The following AKR1C1 variants were observed in gnomAD, a reference collection of about 807,000 sequenced individuals.
The protein encoded by AKR1C1 is 20 alpha-hydroxysteroid dehydrogenase.
A neutral mutation model predicts 40.6 loss-of-function variants in AKR1C1; 32 were observed. That is an observed-to-expected ratio of 0.79 (90% CI 0.60 to 1.06). AKR1C1 has a LOEUF of 1.06. AKR1C1 is among the 50% of genes least tolerant of loss of function. The pLI, the probability that AKR1C1 is intolerant of heterozygous loss-of-function variation, is 0.00. For missense variants in AKR1C1, 320 were observed against 363.5 expected (o/e 0.88, Z 0.97); for synonymous variants, 105 against 134.2 (o/e 0.78, Z 1.50).
chr10:4,970,435 A>G (rs537399568), intron 5 of AKR1C1, among the ~76,000 whole-genome samples: 215 of 152,274 alleles, frequency 1.4e-3, no homozygotes, highest in African/African-American at 4.9e-3. Flanking sequence ...GTTTTATTAC[A>G]TTGACTTAAA....
chr10:4,967,260 C>A, intron 3 of AKR1C1: 1 of 1,023,628 alleles, frequency 9.8e-7, no homozygotes, highest in Non-Finnish European at 1.3e-6. Flanking sequence ...GCAGAACTCT[C>A]AAAGCCTCTG....
chr10:4,963,496 G>A lies in AKR1C1; in HGVS notation c.52G>A (p.Val18Ile), dbSNP rs763317381. 179 of 1,613,680 alleles carry A rather than the reference G, an allele frequency of 1.1e-4. No homozygotes were observed. The Admixed American group carries it at 2.9e-3, about 26-fold the overall frequency. Residue 18 changes from valine (V) to isoleucine (I), a missense_variant, in exon 1 of 9, where the codon GTC (valine) becomes ATC (isoleucine). By Grantham distance (29) the Val-to-Ile change is conservative. Around this residue, in one of 3 missense-constraint regions of AKR1C1, gnomAD observed 214 missense variants for 214.8 expected, o/e 1.00. Coordinates refer to ENST00000380872, the MANE Select transcript of AKR1C1 (RefSeq NM_001353.6). Reference protein sequence around the residue: ...VKLNDGHFMPVLGFGTYAPAE... With the variant: ...VKLNDGHFMPILGFGTYAPAE... ...GCTGAATGATGGTCACTTCATGCCT[G>A]TCCTGGGATTTGGCACCTATGCGCC...
Position 4,979,184 on chromosome 10 carries a change from T to G in AKR1C1, c.*1442T>G, listed in dbSNP as rs1407889849. 20 of 152,186 alleles carry G rather than the reference T, an allele frequency of 1.3e-4. No homozygotes were observed. Among genetic ancestry groups the G allele is most frequent in the African/African-American group, 3.4e-4 (14 of 41,454 alleles). The allele number at this position is 152,186 out of a possible 1,614,324, so 9.4% of individuals were successfully genotyped here. A position where few individuals can be genotyped will look rare whatever the true frequency, so the allele number is the denominator to read the frequency against. On this transcript the variant is annotated 3_prime_UTR_variant, in exon 9 of 9. Coordinates refer to ENST00000380872, the MANE Select transcript of AKR1C1 (RefSeq NM_001353.6). ...AATTACTTATTCTATAAAATTGGAG[T>G]AGGCCATAAACTTTGGAGGGCCCTA...
chr10:4,981,170 A>G lies in AKR1C1; in HGVS notation c.*3428A>G, dbSNP rs1442420051. On this transcript the variant is annotated 3_prime_UTR_variant, in exon 9 of 9. Coordinates refer to ENST00000380872, the MANE Select transcript of AKR1C1 (RefSeq NM_001353.6). ...GTGGGCTTAAAATATTCAGTAAACC[A>G]TTATTTAAGGAGATGTGGCTTAAAT... 6.6e-6 allele frequency: 1 copy of G among 152,224 alleles called. No homozygotes were observed. The highest frequency in any genetic ancestry group is 2.4e-5 in the African/African-American group (1 of 41,466). The allele number at this position is 152,224 out of a possible 1,614,324, so 9.4% of individuals were successfully genotyped here.
At position 4,965,905 on chromosome 10, in the gene AKR1C1, C is replaced by T. The variant is rs760453509; in HGVS notation, c.85-9C>T. 1.2e-6 allele frequency: 2 copies of T among 1,611,656 alleles called. No homozygotes were observed. Among genetic ancestry groups the T allele is most frequent in the East Asian group, 4.5e-5 (2 of 44,876 alleles). ...AGTCAGAAAATACTACCTATGGTTA[C>T]TCCCCCAGGTTCCTAAAAGTAAAGC... On this transcript the variant is annotated splice_polypyrimidine_tract_variant and intron_variant, in intron 1 of 8. Transcript: ENST00000380872.
chr10:4,967,118 T>A, intron 3 of AKR1C1, 75 bp downstream of exon 3: 1 of 1,453,520 alleles, frequency 6.9e-7, no homozygotes, highest in Non-Finnish European at 9.6e-7. Flanking sequence ...ATATTTGAAC[T>A]AAGCATTTTC....
In AKR1C1 at chr10:4,967,235, A is replaced by T. The variant is rs187470790; in HGVS notation, c.369+192A>T. Reference sequence around the variant, plus strand: ...TCCATACTTCCGTGATTGCATGTCTATAAGAAAAGAAAGTGCAGAACTCTC... The same window carrying T: ...TCCATACTTCCGTGATTGCATGTCTTTAAGAAAAGAAAGTGCAGAACTCTC... On this transcript the variant is annotated intron_variant, in intron 3 of 8. Transcript: ENST00000380872. 9 of 1,003,870 alleles carry T rather than the reference A, an allele frequency of 9.0e-6. No homozygotes were observed. In the East Asian group the frequency reaches 9.6e-5, roughly 11 times the overall value. 62.2% of individuals were successfully genotyped at this position (1,003,870 alleles called of 1,614,324 possible).
At chr10:4,968,700 T>C (rs1836368382) in intron 4 of AKR1C1, 122 bp from the exon 5 acceptor site, 7 of 1,487,902 alleles carry the variant, frequency 4.7e-6, no homozygotes, top group Non-Finnish European at 6.3e-6. Context: ...TTCTGTTTTA[T>C]TTTTTCCCTT....
At position 4,979,210 on chromosome 10, in the gene AKR1C1, G is replaced by A. The variant is rs1210137903; in HGVS notation, c.*1468G>A. ...AGGCCATAAACTTTGGAGGGCCCTA[G>A]ACCAATTTTTTGGATTATTTTTCGT... On this transcript the variant is annotated 3_prime_UTR_variant, in exon 9 of 9. Transcript: ENST00000380872. The A allele has an allele frequency of 6.6e-6, 1 of 152,114 alleles. No individual in the cohort carries two copies. Among genetic ancestry groups the A allele is most frequent in the African/African-American group, 2.4e-5 (1 of 41,424 alleles). The allele number at this position is 152,114 out of a possible 1,614,324, so 9.4% of individuals were successfully genotyped here. A position where few individuals can be genotyped will look rare whatever the true frequency, so the allele number is the denominator to read the frequency against.
chr10:4,971,369 C>T, intron 5 of AKR1C1, among the ~76,000 whole-genome samples: 1 of 151,806 alleles, frequency 6.6e-6, no homozygotes, highest in Non-Finnish European at 1.5e-5. Context: ...GTAATGACCA[C>T]CATCAGAGTA....
At chr10:4,973,839 C>T (rs1836478480) in intron 7 of AKR1C1, among the ~76,000 whole-genome samples, 1 of 151,398 alleles carries the variant, frequency 6.6e-6, no homozygotes, top group Non-Finnish European at 1.5e-5. Context: ...AGAATACATC[C>T]AAGTCTCTAA....
intron 2 of AKR1C1, 76 bp from the exon 3 acceptor site, chr10:4,966,851 T>C: frequency 7.4e-7 from 1 of 1,351,338 alleles, no homozygotes; most frequent in Admixed American, 2.2e-5. Context: ...AGAAAATGTC[T>C]AAATATTAGG....
In AKR1C1 at chr10:4,978,405, C is replaced by T. The variant is rs1357395364; in HGVS notation, c.*663C>T. 6.6e-6 allele frequency: 1 copy of T among 150,978 alleles called. No homozygotes were observed. Among genetic ancestry groups the T allele is most frequent in the Admixed American group, 6.6e-5 (1 of 15,152 alleles). The allele number at this position is 150,978 out of a possible 1,614,324, so 9.4% of individuals were successfully genotyped here. The stretch of plus-strand genomic sequence containing the variant: ...ATCTCTGCTTGGAAAAACATATCAA[C>T]ACCCTTTTTTTTGAACATTATATCT... On this transcript the variant is annotated 3_prime_UTR_variant, in exon 9 of 9. Coordinates refer to ENST00000380872, the MANE Select transcript of AKR1C1 (RefSeq NM_001353.6).
chr10:4,966,814 G>T lies in AKR1C1; in HGVS notation c.253-113G>T, dbSNP rs576173622. On this transcript the variant is annotated intron_variant, in intron 2 of 8. Coordinates refer to ENST00000380872, the MANE Select transcript of AKR1C1 (RefSeq NM_001353.6). ...TCACAAGAAGAGAGAGAATAATTTT[G>T]CCTGTGGTCATTAGTTTTGAAGTAG... 5.3e-5 allele frequency: 43 copies of T among 814,828 alleles called. No individual in the cohort carries two copies. The South Asian group carries it at 6.4e-4, about 12-fold the overall frequency. The allele number at this position is 814,828 out of a possible 1,614,324, so 50.5% of individuals were successfully genotyped here. A position where few individuals can be genotyped will look rare whatever the true frequency, so the allele number is the denominator to read the frequency against.
Position 4,979,601 on chromosome 10 carries a change from C to CT in AKR1C1, c.*1862dup, listed in dbSNP as rs1159550520. On this transcript the variant is annotated 3_prime_UTR_variant, in exon 9 of 9. Coordinates refer to ENST00000380872, the MANE Select transcript of AKR1C1 (RefSeq NM_001353.6). ...AAGCAAACTTTCATATTTCAAATCT[C>CT]TTTAGCAAGTGTAACTCTTTTTTCA... is the stretch of plus-strand genomic sequence containing the variant. 1.3e-5 allele frequency: 2 copies of CT among 152,132 alleles called. No individual in the cohort carries two copies. The highest frequency in any genetic ancestry group is 2.9e-5 in the Non-Finnish European group (2 of 68,046). The allele number at this position is 152,132 out of a possible 1,614,324, so 9.4% of individuals were successfully genotyped here.
At chr10:4,965,843 G>T in intron 1 of AKR1C1, 71 bp from the exon 2 acceptor site, 2 of 1,530,006 alleles carry the variant, frequency 1.3e-6, no homozygotes, top group Non-Finnish European at 1.8e-6. Context: ...TTTTGTGAAC[G>T]TCGCTACTTG....
At position 4,981,124 on chromosome 10, in the gene AKR1C1, G is replaced by C. The variant is rs1836608215; in HGVS notation, c.*3382G>C. On this transcript the variant is annotated 3_prime_UTR_variant, in exon 9 of 9. Coordinates refer to ENST00000380872, the MANE Select transcript of AKR1C1 (RefSeq NM_001353.6). ...CTAATTTCAAAGAACTTTTTCTTTT[G>C]CTGAGCAGTAAGTCTTAACAGTGGG... 1 of 151,456 alleles carries C rather than the reference G, an allele frequency of 6.6e-6. No homozygotes were observed. The highest frequency in any genetic ancestry group is 2.4e-5 in the African/African-American group (1 of 41,348). The allele number at this position is 151,456 out of a possible 1,614,324, so 9.4% of individuals were successfully genotyped here.
chr10:4,965,749 A>T, intron 1 of AKR1C1, 165 bp from the exon 2 acceptor site: 1 of 749,558 alleles, frequency 1.3e-6, no homozygotes, highest in Non-Finnish European at 2.1e-6. Context: ...AACCTTTATT[A>T]CTAACTGGGA....
chr10:4,970,083 G>A (rs1046608891), intron 5 of AKR1C1: 7 of 276,628 alleles, frequency 2.5e-5, no homozygotes, highest in South Asian at 1.6e-4. Flanking sequence ...GTTATATGGA[G>A]TATATCTGCA....
Sources: allele counts gnomAD v4.1 joint callset (sites outside exome capture counted in the v4.1 genomes callset), GRCh38; gene constraint gnomAD v4.1.1; regional missense constraint gnomAD v4.1.1; transcripts MANE v1.5; gene names NCBI Gene and HGNC (gene_info 2026-07-23, HGNC 2026-07-21).